The following INPP4B variants were observed in gnomAD, a reference collection of about 807,000 sequenced individuals.
INPP4B encodes the protein inositol polyphosphate 4-phosphatase type II.
Under a neutral mutation model 122.5 loss-of-function variants are expected in INPP4B, and 55 were observed. The observed-to-expected ratio is 0.45, with a 90% CI of 0.36 to 0.56. The LOEUF (loss-of-function observed/expected upper bound fraction) is 0.56. Ranked by LOEUF, INPP4B falls within the 20% of genes least tolerant of loss-of-function variation. The pLI, the probability that INPP4B is intolerant of heterozygous loss-of-function variation, is 0.00. For synonymous variants in INPP4B, 403 were observed against 388.7 expected, an observed-to-expected ratio of 1.04 and a Z score of -0.43; for missense variants, 1,000 against 1,097.7, an observed-to-expected ratio of 0.91 and a Z score of 1.26.
chr4:142,193,604 G>GA (rs934156879), intron 14 of INPP4B, among the ~76,000 whole-genome samples: 26 of 151,482 alleles, frequency 1.7e-4, no homozygotes, highest in Non-Finnish European at 2.7e-4. Context: ...ATTTTACATA[G>GA]AAAAAAAACC....
At chr4:142,779,239 A>G (rs1774410333) in intron 1 of INPP4B, among the ~76,000 whole-genome samples, 2 of 152,196 alleles carry the variant, frequency 1.3e-5, no homozygotes, top group Middle Eastern at 3.4e-3. Context: ...AAAAGTATTA[A>G]ATATATATCT....
At chr4:142,623,996 C>T (rs1745634468) in intron 2 of INPP4B, among the ~76,000 whole-genome samples, 1 of 152,104 alleles carries the variant, frequency 6.6e-6, no homozygotes, top group Admixed American at 6.6e-5. Context: ...GGTTCCAAGT[C>T]TTTGCTATCG....
intron 2 of INPP4B, among the ~76,000 whole-genome samples, chr4:142,482,852 A>C (rs1194346092): frequency 6.6e-6 from 1 of 152,132 alleles, no homozygotes; most frequent in Non-Finnish European, 1.5e-5. Context: ...AGAGTTTACA[A>C]TTCCCATTGG....
chr4:142,582,085 C>A (rs1284517822), intron 2 of INPP4B, among the ~76,000 whole-genome samples: 2 of 151,888 alleles, frequency 1.3e-5, no homozygotes, highest in Admixed American at 1.3e-4. Flanking sequence ...TTCCCAAACA[C>A]ATTACACCTG....
intron 22 of INPP4B, among the ~76,000 whole-genome samples, chr4:142,110,865 G>A (rs1322808705): frequency 6.6e-6 from 1 of 152,044 alleles, no homozygotes; most frequent in Non-Finnish European, 1.5e-5. Flanking sequence ...ATGCTGACTA[G>A]TCTTTGAAAA....
rs141919716 is a variant in INPP4B, at chr4:142,199,659, T to C, written c.1073-6464A>G. Among the ~76,000 whole-genome samples the C allele has an allele frequency of 8.0e-4, 122 of 152,178 alleles. 1 individual carries two copies. Among genetic ancestry groups the C allele is most frequent in the African/African-American group, 2.8e-3 (116 of 41,542 alleles). The stretch of plus-strand genomic sequence containing the variant: ...TCTATAACAGTTCCTCAGTCTTTCA[T>C]TGTCTCTCATAATCTTGACATTTTT... On this transcript the variant is annotated intron_variant, in intron 14 of 25. Transcript: ENST00000262992.
At chr4:142,257,705 A>C (rs1737067166) in intron 11 of INPP4B, among the ~76,000 whole-genome samples, 1 of 152,238 alleles carries the variant, frequency 6.6e-6, no homozygotes, top group African/African-American at 2.4e-5. Context: ...GAAATAAAAG[A>C]GGATACAAAC....
intron 15 of INPP4B, among the ~76,000 whole-genome samples, chr4:142,175,304 ATTC>A (rs1406289289): frequency 1.3e-5 from 2 of 152,160 alleles, no homozygotes; most frequent in Non-Finnish European, 2.9e-5. Context: ...GATCTGTTCT[ATTC>A]TTCTCACACT....
chr4:142,626,073 G>C (rs978060378), intron 2 of INPP4B, among the ~76,000 whole-genome samples: 2 of 152,120 alleles, frequency 1.3e-5, no homozygotes, highest in Non-Finnish European at 2.9e-5. Flanking sequence ...ATAGGCATGG[G>C]CAAGGACTTC....
intron 22 of INPP4B, among the ~76,000 whole-genome samples, chr4:142,109,152 T>C (rs2152690799): frequency 6.8e-6 from 1 of 146,256 alleles, no homozygotes; most frequent in South Asian, 2.2e-4. Flanking sequence ...TTTTTTTTTT[T>C]CTCAACCACT....
intron 10 of INPP4B, 29 bp from the exon 11 acceptor site, chr4:142,260,593 AAT>A (rs375337012): frequency 0.032 from 36,849 of 1,167,910 alleles, 10 homozygotes; most frequent in South Asian, 0.072. Context: ...AAAAAAAAAA[AAT>A]TTTGAGAACA....
At chr4:142,812,316 C>T (rs72728681) in intron 1 of INPP4B, among the ~76,000 whole-genome samples, 35,995 of 151,946 alleles carry the variant, frequency 0.24, 4,517 homozygotes, top group South Asian at 0.34. Context: ...CCAGAAGCCA[C>T]ACTCCTCTCA....
chr4:142,181,049 G>A (rs181717041), intron 15 of INPP4B, among the ~76,000 whole-genome samples: 6 of 152,280 alleles, frequency 3.9e-5, no homozygotes, highest in African/African-American at 1.2e-4. Flanking sequence ...CCCACTAAAC[G>A]CTACATGAAG....
chr4:142,197,605 T>C (rs1838875837), intron 14 of INPP4B, among the ~76,000 whole-genome samples: 1 of 152,158 alleles, frequency 6.6e-6, no homozygotes, highest in Non-Finnish European at 1.5e-5. Context: ...AGAATTGTAT[T>C]TAATAAATAA....
chr4:142,244,486 G>A (rs1011422879), intron 11 of INPP4B, among the ~76,000 whole-genome samples: 1 of 151,670 alleles, frequency 6.6e-6, no homozygotes, highest in Non-Finnish European at 1.5e-5. Context: ...TGTATTTTTA[G>A]TAGAGGCAGG....
chr4:142,670,812 CA>C (rs1442569636), intron 2 of INPP4B, among the ~76,000 whole-genome samples: 2 of 151,992 alleles, frequency 1.3e-5, no homozygotes, highest in Admixed American at 1.3e-4. Flanking sequence ...TTCTCACCAC[CA>C]AAATGATTAC....
At chr4:142,778,893 T>C (rs1274360972) in intron 1 of INPP4B, among the ~76,000 whole-genome samples, 1 of 152,102 alleles carries the variant, frequency 6.6e-6, no homozygotes, top group Non-Finnish European at 1.5e-5. Context: ...ACACATGACA[T>C]AATTTAGGAT....
chr4:142,440,047 C>T (rs746827397), intron 3 of INPP4B, among the ~76,000 whole-genome samples: 3 of 152,086 alleles, frequency 2.0e-5, no homozygotes, highest in African/African-American at 4.8e-5. Context: ...TCTGTCAGAA[C>T]GTAAATTTGA....
intron 1 of INPP4B, among the ~76,000 whole-genome samples, chr4:142,783,916 G>T (rs974440144): frequency 6.6e-6 from 1 of 152,006 alleles, no homozygotes; most frequent in Admixed American, 6.6e-5. Context: ...GGACTATAAA[G>T]AATGAGATAA....
Sources: allele counts gnomAD v4.1 joint callset (sites outside exome capture counted in the v4.1 genomes callset), GRCh38; gene constraint gnomAD v4.1.1; transcripts MANE v1.5; gene names NCBI Gene and HGNC (gene_info 2026-07-23, HGNC 2026-07-21).